Variants in TPST2 observed in about 807,000 individuals in gnomAD.
The protein encoded by TPST2 is protein-tyrosine sulfotransferase 2.
In TPST2, 16 loss-of-function variants were observed where a neutral mutation model predicts 27.8. The ratio of observed to expected loss-of-function variants is 0.58; its 90% CI spans 0.39 to 0.88. The LOEUF is 0.88. TPST2 is among the 40% of genes least tolerant of loss of function. The pLI, the probability that TPST2 is intolerant of heterozygous loss-of-function variation, is 0.00. For missense variants in TPST2, 464 were observed against 543.1 expected (o/e 0.85, Z 1.45); for synonymous variants, 229 against 231.7 (o/e 0.99, Z 0.10).
chr22:26,572,630 G>A (rs1156928351), intron 1 of TPST2, among the ~76,000 whole-genome samples: 1 of 151,876 alleles, frequency 6.6e-6, no homozygotes, highest in African/African-American at 2.4e-5. Context: ...TGAATACCCC[G>A]ACTAGATTAA....
At chr22:26,560,695 A>G (rs1927040989) in intron 1 of TPST2, 1 of 1,113,068 alleles carries the variant, frequency 9.0e-7, no homozygotes, top group South Asian at 1.2e-5. Flanking sequence ...GCTAAAGAGA[A>G]AGGAAAATTT....
intron 1 of TPST2, among the ~76,000 whole-genome samples, chr22:26,577,562 G>A (rs1927902032): frequency 6.6e-6 from 1 of 151,418 alleles, no homozygotes; most frequent in Non-Finnish European, 1.5e-5. Flanking sequence ...TGTTAGCCAG[G>A]ATGGTCTCGA....
At chr22:26,546,903 A>G (rs560791570) in intron 1 of TPST2, among the ~76,000 whole-genome samples, 1 of 152,274 alleles carries the variant, frequency 6.6e-6, no homozygotes, top group East Asian at 1.9e-4. Flanking sequence ...GAGAGAGAGG[A>G]GGAGGAGCAA....
chr22:26,581,304 T>G (rs1928102178), intron 1 of TPST2, among the ~76,000 whole-genome samples: 1 of 152,166 alleles, frequency 6.6e-6, no homozygotes, highest in Admixed American at 6.5e-5. Flanking sequence ...CTTCTGGTGT[T>G]GCTTCCCTGC....
intron 1 of TPST2, among the ~76,000 whole-genome samples, chr22:26,565,045 C>T (rs1927315899): frequency 6.6e-6 from 1 of 152,132 alleles, no homozygotes; most frequent in Non-Finnish European, 1.5e-5. Context: ...TCCAAAACAC[C>T]CAGCCCAGGA....
chr22:26,577,954 G>T (rs1927923464), intron 1 of TPST2, among the ~76,000 whole-genome samples: 1 of 152,004 alleles, frequency 6.6e-6, no homozygotes, highest in Non-Finnish European at 1.5e-5. Context: ...ATGCCTGGCC[G>T]AGTTTCATTT....
chr22:26,539,682 T>C (rs756097237), intron 3 of TPST2, among the ~76,000 whole-genome samples: 10 of 151,758 alleles, frequency 6.6e-5, no homozygotes, highest in Non-Finnish European at 1.5e-4. Context: ...GGTGGGAGAA[T>C]TGCTTGAGCC....
intron 4 of TPST2, 33 bp from the exon 5 acceptor site, chr22:26,532,778 G>C (rs756999291): frequency 6.2e-7 from 1 of 1,602,804 alleles, no homozygotes; most frequent in Non-Finnish European, 8.5e-7. Flanking sequence ...TCACTATTAT[G>C]AAAATGGCCA....
intron 1 of TPST2, among the ~76,000 whole-genome samples, chr22:26,552,419 C>A (rs140311782): frequency 2.9e-4 from 44 of 152,108 alleles, no homozygotes; most frequent in African/African-American, 1.1e-3. Flanking sequence ...AGGCTTAGAG[C>A]GGTGAAATGC....
At chr22:26,560,938 C>T (rs1337727110) in intron 1 of TPST2, 4 of 1,609,350 alleles carry the variant, frequency 2.5e-6, no homozygotes, top group Middle Eastern at 1.7e-4. Context: ...AACACTGCCG[C>T]AGATGACAAG....
intron 1 of TPST2, among the ~76,000 whole-genome samples, chr22:26,576,619 T>C (rs946837218): frequency 2.0e-5 from 3 of 151,970 alleles, no homozygotes; most frequent in South Asian, 2.1e-4. Context: ...GTGAACAGAA[T>C]TGTCTTTGTG....
In TPST2 at chr22:26,536,337, G is replaced by T. The variant is rs1925463760; in HGVS notation, c.992C>A (p.Pro331His). The change falls in exon 4 of 7, where the codon CCC (proline) becomes CAC (histidine). Residue 331 changes from proline (P) to histidine (H), a missense_variant. Physicochemically the swap from Pro to His is moderately conservative, Grantham distance 77 (BLOSUM62 -2). Transcript: ENST00000338754. Reference sequence around the variant, plus strand: ...GGGGTCAGGGTTGCCATAGTTGGGGGGGTTTGCATAAGGGTCATAGCCGAG... The same window carrying T: ...GGGGTCAGGGTTGCCATAGTTGGGGTGGTTTGCATAAGGGTCATAGCCGAG... ...AQLGYDPYAN[P>H]PNYGNPDPFV... The T allele has an allele frequency of 1.2e-6, 2 of 1,614,020 alleles. No individual in the cohort carries two copies. The highest frequency in any genetic ancestry group is 1.7e-6 in the Non-Finnish European group (2 of 1,179,996).
chr22:26,529,479 C>G (rs1925029726), intron 5 of TPST2, among the ~76,000 whole-genome samples: 1 of 152,144 alleles, frequency 6.6e-6, no homozygotes, highest in Non-Finnish European at 1.5e-5. Context: ...CCCTGACCTC[C>G]TGGGAGGGGA....
chr22:26,544,912 G>A (rs1007486334), intron 1 of TPST2, among the ~76,000 whole-genome samples: 1 of 152,212 alleles, frequency 6.6e-6, no homozygotes, highest in African/African-American at 2.4e-5. Flanking sequence ...GGTGTGAGCT[G>A]AAGTCTGAGC....
At chr22:26,545,864 G>T (rs1299395681) in intron 1 of TPST2, among the ~76,000 whole-genome samples, 2 of 152,090 alleles carry the variant, frequency 1.3e-5, no homozygotes, top group African/African-American at 4.8e-5. Flanking sequence ...AGGATCACTT[G>T]AGCCCAGGAG....
intron 1 of TPST2, among the ~76,000 whole-genome samples, chr22:26,582,554 G>A (rs543761585): frequency 2.0e-5 from 3 of 152,286 alleles, no homozygotes; most frequent in Admixed American, 6.5e-5. Flanking sequence ...GACATCTCAC[G>A]TCAGAGATGT....
chr22:26,554,796 G>A (rs553454693), intron 1 of TPST2, among the ~76,000 whole-genome samples: 1 of 152,202 alleles, frequency 6.6e-6, no homozygotes, highest in African/African-American at 2.4e-5. Flanking sequence ...AAATTAGCCA[G>A]GCGTGGTGGT....
chr22:26,528,037 T>C (rs1048257666), intron 6 of TPST2, among the ~76,000 whole-genome samples, 177 bp downstream of exon 6: 1 of 152,182 alleles, frequency 6.6e-6, no homozygotes, highest in Non-Finnish European at 1.5e-5. Flanking sequence ...CTTGATTCTA[T>C]AAATAGCACC....
At chr22:26,550,781 G>A (rs1449572301) in intron 1 of TPST2, 7 of 471,864 alleles carry the variant, frequency 1.5e-5, no homozygotes, top group East Asian at 1.5e-4. Context: ...GGAGACGCAG[G>A]TCTCTTGGGC....
Sources: gnomAD v4.1 joint callset for allele counts (sites outside exome capture counted in the v4.1 genomes callset) on GRCh38, gnomAD v4.1.1 for gene constraint, MANE v1.5 for transcripts, NCBI Gene and HGNC (gene_info 2026-07-23, HGNC 2026-07-21) for gene names.